VPS13B: variants seen among roughly 807,000 people sequenced by gnomAD.
The protein encoded by VPS13B is vacuolar protein sorting 13 homolog B.
VPS13B carries 285 observed loss-of-function variants against 426.4 expected under a neutral mutation model. The observed-to-expected ratio is 0.67, with a 90% CI of 0.61 to 0.74. The LOEUF is 0.74. Among genes scored for constraint, VPS13B ranks in the 30% least tolerant of loss-of-function variants. The pLI is 0.00. For synonymous variants in VPS13B, 1,676 were observed against 1,676.4 expected (o/e 1.00, Z 0.01); for missense variants, 4,537 against 4,782.6 (o/e 0.95, Z 1.51).
chr8:99,559,337 G>A (rs1380109781), intron 31 of VPS13B, among the ~76,000 whole-genome samples: 1 of 152,052 alleles, frequency 6.6e-6, no homozygotes, highest in Non-Finnish European at 1.5e-5. Context: ...TTGCAAAAAT[G>A]TTCTCCCATT....
At chr8:99,724,304 G>C (rs1439784897) in intron 39 of VPS13B, among the ~76,000 whole-genome samples, 1 of 151,982 alleles carries the variant, frequency 6.6e-6, no homozygotes, top group East Asian at 1.9e-4. Context: ...GTGGTCGTGT[G>C]GGGTAGAAGA....
chr8:99,492,901 G>T (rs1820692500), intron 25 of VPS13B, among the ~76,000 whole-genome samples: 1 of 152,166 alleles, frequency 6.6e-6, no homozygotes, highest in South Asian at 2.1e-4. Flanking sequence ...CCAATGAGAA[G>T]AATCAGGTAC....
rs3105200 is a variant in VPS13B, at chr8:99,459,973, G to A, written c.3446-7441G>A. ...AGTATACCTTTTTCCAGCTTTTTAC[G>A]TTAAACTTACTTTTGGTTTTGAATG... On this transcript the variant is annotated intron_variant, in intron 23 of 61. Transcript: ENST00000357162. 4.6e-5 allele frequency among the ~76,000 whole-genome samples: 7 copies of A among 151,740 alleles called. No individual in the cohort carries two copies. In the South Asian group the frequency reaches 6.2e-4, roughly 13 times the overall value.
intron 33 of VPS13B, among the ~76,000 whole-genome samples, chr8:99,585,043 G>A (rs1826238086): frequency 6.6e-6 from 1 of 152,174 alleles, no homozygotes; most frequent in Admixed American, 6.6e-5. Context: ...GATGTTGGTT[G>A]TTAGAGAAGA....
At chr8:99,020,982 G>A (rs1841855441) in intron 2 of VPS13B, among the ~76,000 whole-genome samples, 1 of 152,182 alleles carries the variant, frequency 6.6e-6, no homozygotes, top group Non-Finnish European at 1.5e-5. Flanking sequence ...AGACATATAG[G>A]ATCATTTAGA....
intron 19 of VPS13B, among the ~76,000 whole-genome samples, chr8:99,366,892 C>T (rs1282901410): frequency 6.6e-6 from 1 of 152,132 alleles, no homozygotes; most frequent in Non-Finnish European, 1.5e-5. Flanking sequence ...AAAAACTCTA[C>T]ACATTAACTT....
chr8:99,351,930 T>C (rs993603818), intron 19 of VPS13B, among the ~76,000 whole-genome samples: 6 of 152,126 alleles, frequency 3.9e-5, no homozygotes, highest in Non-Finnish European at 7.4e-5. Flanking sequence ...GAGACATATA[T>C]ATTATTAATA....
chr8:99,752,153 G>A (rs944932658), intron 39 of VPS13B, among the ~76,000 whole-genome samples: 1 of 152,018 alleles, frequency 6.6e-6, no homozygotes, highest in African/African-American at 2.4e-5. Context: ...GCCAGCCTGG[G>A]CAAACATAGC....
In VPS13B at chr8:99,115,853, G is replaced by T; in HGVS notation, c.916G>T (p.Asp306Tyr). Residue 306 changes from aspartate to tyrosine, a missense_variant, in exon 7 of 62, where the codon GAT (aspartate) becomes TAT (tyrosine). Coordinates refer to ENST00000357162, the MANE Select transcript of VPS13B (RefSeq NM_152564.5). ...AGAGGACCTTACTTGTCATAATAAA[G>T]ATATGCTAGGAAACATTACAGGTAA... is the stretch of plus-strand genomic sequence containing the variant. Reference protein sequence around the residue: ...EIEDLTCHNKDMLGNITGSED... With the variant: ...EIEDLTCHNKYMLGNITGSED... The T allele has an allele frequency of 2.5e-6, 4 of 1,613,168 alleles. No individual in the cohort carries two copies. The highest frequency in any genetic ancestry group is 3.4e-6 in the Non-Finnish European group (4 of 1,179,676).
At chr8:99,364,140 T>C (rs1812710573) in intron 19 of VPS13B, among the ~76,000 whole-genome samples, 1 of 152,204 alleles carries the variant, frequency 6.6e-6, no homozygotes, top group Admixed American at 6.5e-5. Context: ...ATGTTCCTTC[T>C]GTACTCTGTC....
Position 99,507,146 on chromosome 8 carries a change from AG to A in VPS13B, c.4169del (p.Gly1390ValfsTer19), listed in dbSNP as rs753390948. ...IDHYRSRPGE[G>X]WQSGHFEGVF... ...AACTTATGTTTTCCAGGCCAGGGGAAGGTTGGCAGTCAGGACATTTTGAAGG... is the reference window on the plus strand; with the variant it reads ...AACTTATGTTTTCCAGGCCAGGGGAAGTTGGCAGTCAGGACATTTTGAAGG... On this transcript the variant is annotated frameshift_variant, in exon 28 of 62. Coordinates refer to ENST00000357162, the MANE Select transcript of VPS13B (RefSeq NM_152564.5). LOFTEE classifies it high-confidence loss of function. 1 of 1,613,988 alleles carries A rather than the reference AG, an allele frequency of 6.2e-7. No individual in the cohort carries two copies. The highest frequency in any genetic ancestry group is 1.1e-5 in the South Asian group (1 of 91,084).
chr8:99,765,189 G>A (rs1811153106), intron 39 of VPS13B, among the ~76,000 whole-genome samples: 3 of 152,152 alleles, frequency 2.0e-5, no homozygotes, highest in African/African-American at 7.2e-5. Context: ...AGGTTGCAGT[G>A]AGCTGAGATC....
intron 40 of VPS13B, among the ~76,000 whole-genome samples, chr8:99,772,093 A>G (rs1811526004): frequency 6.6e-6 from 1 of 152,146 alleles, no homozygotes; most frequent in Non-Finnish European, 1.5e-5. Flanking sequence ...TCTTGCATAC[A>G]CAGTCCCTGA....
intron 30 of VPS13B, among the ~76,000 whole-genome samples, chr8:99,532,877 T>G (rs1823000925): frequency 6.6e-6 from 1 of 151,520 alleles, no homozygotes; most frequent in Non-Finnish European, 1.5e-5. Flanking sequence ...AGCAGAAGTT[T>G]TTTTAAAATT....
chr8:99,701,325 C>A (rs1832272309), intron 36 of VPS13B, among the ~76,000 whole-genome samples: 1 of 152,164 alleles, frequency 6.6e-6, no homozygotes, highest in South Asian at 2.1e-4. Flanking sequence ...TCCAGTTGTA[C>A]CTCAATCATA....
At chr8:99,219,673 T>G (rs1385239809) in intron 17 of VPS13B, among the ~76,000 whole-genome samples, 1 of 152,198 alleles carries the variant, frequency 6.6e-6, no homozygotes, top group African/African-American at 2.4e-5. Flanking sequence ...GCTAGTCCGC[T>G]TCTGTGATAA....
intron 25 of VPS13B, among the ~76,000 whole-genome samples, chr8:99,482,183 C>T (rs1278739710): frequency 6.6e-6 from 1 of 152,046 alleles, no homozygotes; most frequent in Non-Finnish European, 1.5e-5. Flanking sequence ...TATCTAGTCA[C>T]CTGGTTTAGA....
intron 3 of VPS13B, among the ~76,000 whole-genome samples, 164 bp downstream of exon 3, chr8:99,038,730 A>C (rs1842849914): frequency 8.5e-6 from 1 of 117,388 alleles, no homozygotes; most frequent in African/African-American, 3.4e-5. Context: ...CTCTGTTGCC[A>C]GGCTGGAGTG....
intron 31 of VPS13B, among the ~76,000 whole-genome samples, chr8:99,569,607 T>C (rs982166051): frequency 2.0e-5 from 3 of 152,198 alleles, no homozygotes; most frequent in Non-Finnish European, 2.9e-5. Flanking sequence ...CTTAAACTCC[T>C]TTAGTATTTC....
Sources: gnomAD v4.1 joint callset for allele counts (sites outside exome capture counted in the v4.1 genomes callset) on GRCh38, gnomAD v4.1.1 for gene constraint, MANE v1.5 for transcripts, NCBI Gene and HGNC (gene_info 2026-07-23, HGNC 2026-07-21) for gene names.